Variants in LRP5 observed in about 807,000 individuals in gnomAD.
LRP5 encodes the protein low-density lipoprotein receptor-related protein 5.
Under a neutral mutation model 154.1 loss-of-function variants are expected in LRP5, and 62 were observed. The observed-to-expected ratio is 0.40, with a 90% CI of 0.33 to 0.50. The LOEUF is 0.50. Among genes scored for constraint, LRP5 ranks in the 20% least tolerant of loss-of-function variants. The pLI is 0.55. For synonymous variants in LRP5, 966 were observed against 1,011.5 expected, an observed-to-expected ratio of 0.96 and a Z score of 0.85; for missense variants, 1,915 against 2,336.7, an observed-to-expected ratio of 0.82 and a Z score of 3.72.
intron 2 of LRP5, among the ~76,000 whole-genome samples, chr11:68,350,723 C>G (rs2098617638): frequency 6.6e-6 from 1 of 152,256 alleles, no homozygotes; most frequent in Non-Finnish European, 1.5e-5. Flanking sequence ...AAGCAGAGTG[C>G]CATGTGGCCA....
chr11:68,368,302 G>A (rs1382420098), intron 5 of LRP5, among the ~76,000 whole-genome samples: 1 of 152,214 alleles, frequency 6.6e-6, no homozygotes, highest in South Asian at 2.1e-4. Context: ...CAGGGGCTGA[G>A]CCGGAGACTC....
chr11:68,398,769 T>A (rs2098650995), intron 7 of LRP5, among the ~76,000 whole-genome samples: 1 of 151,862 alleles, frequency 6.6e-6, no homozygotes, highest in African/African-American at 2.4e-5. Flanking sequence ...AGGGTCTCGC[T>A]CTGTCACCCA....
intron 7 of LRP5, among the ~76,000 whole-genome samples, chr11:68,399,745 C>T (rs2098651608): frequency 1.3e-5 from 2 of 152,342 alleles, no homozygotes; most frequent in Non-Finnish European, 1.5e-5. Context: ...CCTGAGTCGG[C>T]CCAGAGGGAA....
chr11:68,316,704 C>T (rs1325530113), intron 1 of LRP5, among the ~76,000 whole-genome samples: 2 of 152,250 alleles, frequency 1.3e-5, no homozygotes, highest in African/African-American at 4.8e-5. Flanking sequence ...GGTCTCATGC[C>T]TCCTGCATCC....
At chr11:68,401,821 T>C (rs899838076) in intron 7 of LRP5, among the ~76,000 whole-genome samples, 8 of 152,134 alleles carry the variant, frequency 5.3e-5, no homozygotes, top group Non-Finnish European at 8.8e-5. Context: ...CCCGAGCAGC[T>C]GGGATTACAG....
At chr11:68,345,718 G>C (rs1248507015) in intron 1 of LRP5, among the ~76,000 whole-genome samples, 1 of 152,214 alleles carries the variant, frequency 6.6e-6, no homozygotes, top group Non-Finnish European at 1.5e-5. Context: ...TGGTAATTCT[G>C]TGTTTAAGTT....
intron 5 of LRP5, among the ~76,000 whole-genome samples, chr11:68,369,947 C>T (rs1424741660): frequency 2.0e-5 from 3 of 152,174 alleles, no homozygotes; most frequent in Non-Finnish European, 4.4e-5. Context: ...TGTCCACTGT[C>T]CATGCCCTTA....
At position 68,425,236 on chromosome 11, in the gene LRP5, G is replaced by C; in HGVS notation, c.3371G>C (p.Gly1124Ala). ...GCCCTGGTGGTGGACAACACACTGG[G>C]CAAGCTGTTCTGGGTGGACGCGGAC... Reference protein sequence around the residue: ...PVALVVDNTLGKLFWVDADLK... With the variant: ...PVALVVDNTLAKLFWVDADLK... The change falls in exon 15 of 23, where the codon GGC becomes GCC. Residue 1124 changes from glycine to alanine, a missense_variant. Physicochemically the swap from Gly to Ala is moderately conservative, Grantham distance 60 (BLOSUM62 0). Transcript: ENST00000294304. 1 of 1,612,458 alleles carries C rather than the reference G, an allele frequency of 6.2e-7. No individual in the cohort carries two copies.
At position 68,423,696 on chromosome 11, in the gene LRP5, G is replaced by C; in HGVS notation, c.3235G>C (p.Gly1079Arg). The change falls in exon 14 of 23, where the codon GGG becomes CGG. Residue 1079 changes from glycine (G) to arginine (R), a missense_variant and splice_region_variant. Physicochemically the swap from Gly to Arg is moderately radical, Grantham distance 125 (BLOSUM62 -2). This residue lies in a region of LRP5 where 1,094 missense variants were observed against 1,210.1 expected (regional missense o/e 0.90). Coordinates refer to ENST00000294304, the MANE Select transcript of LRP5 (RefSeq NM_002335.4). This position sits in a 1 kb window ranked among gnomAD's most constrained non-coding sequence, Gnocchi z 4.7. ...PRAIVVNAER[G>R]YLYFTNMQDR... ...GGCCATCGTCGTCAACGCGGAGCGA[G>C]GGTAGGAGGCCAACGGGTGGGTGGG... 1 of 1,608,462 alleles carries C rather than the reference G, an allele frequency of 6.2e-7. No homozygotes were observed. Among genetic ancestry groups the C allele is most frequent in the Non-Finnish European group, 8.5e-7 (1 of 1,179,326 alleles).
At chr11:68,398,006 G>GTGTGTGTGTGTT in intron 7 of LRP5, among the ~76,000 whole-genome samples, 1 of 152,044 alleles carries the variant, frequency 6.6e-6, no homozygotes, top group East Asian at 1.9e-4. Context: ...GTGTGTGTGT[G>GTGTGTGTGTGTT]TGTTTGCGTG....
intron 1 of LRP5, among the ~76,000 whole-genome samples, chr11:68,329,452 C>T (rs1388593350): frequency 6.6e-6 from 1 of 152,196 alleles, no homozygotes; most frequent in African/African-American, 2.4e-5. Flanking sequence ...ACGGTGGTTC[C>T]AGTGCCTGCC....
chr11:68,385,658 G>C (rs1288303274), intron 5 of LRP5, among the ~76,000 whole-genome samples: 1 of 152,042 alleles, frequency 6.6e-6, no homozygotes, highest in Non-Finnish European at 1.5e-5. Context: ...GTGCCCCCGG[G>C]TCTCAGGCCT....
chr11:68,369,054 T>G (rs1591237701), intron 5 of LRP5, among the ~76,000 whole-genome samples: 2 of 152,134 alleles, frequency 1.3e-5, no homozygotes, highest in South Asian at 2.1e-4. Flanking sequence ...GCTAGGCTGG[T>G]CTTGAACTCC....
Position 68,389,898 on chromosome 11 carries a change from A to G in LRP5, c.1430A>G (p.Asp477Gly). 1 of 1,614,262 alleles carries G rather than the reference A, an allele frequency of 6.2e-7. No individual in the cohort carries two copies. The highest frequency in any genetic ancestry group is 8.5e-7 in the Non-Finnish European group (1 of 1,180,050). The change falls in exon 7 of 23, where the codon GAC (aspartate) becomes GGC (glycine). Residue 477 changes from aspartate to glycine, a missense_variant. Around this residue, in one of 3 missense-constraint regions of LRP5, gnomAD observed 773 missense variants for 1,100.9 expected, o/e 0.70. Transcript: ENST00000294304. The stretch of plus-strand genomic sequence containing the variant: ...TTCTCCAGCCTCATGTACTGGACAG[A>G]CTGGGGAGAGAACCCTAAAATCGAG... The part of the protein sequence containing the change: ...HPVMGLMYWT[D>G]WGENPKIECA...
intron 7 of LRP5, among the ~76,000 whole-genome samples, chr11:68,392,652 C>T (rs372727174): frequency 3.3e-4 from 51 of 152,324 alleles, no homozygotes; most frequent in African/African-American, 9.4e-4. Context: ...CCGGCACTCA[C>T]GCCCATTCTC....
chr11:68,384,115 GC>G (rs1376839582), intron 5 of LRP5, among the ~76,000 whole-genome samples: 1 of 152,138 alleles, frequency 6.6e-6, no homozygotes, highest in African/African-American at 2.4e-5. Context: ...CATCACGTGG[GC>G]GCCCTCTAGT....
At chr11:68,324,716 G>A (rs1271144298) in intron 1 of LRP5, among the ~76,000 whole-genome samples, 2 of 152,254 alleles carry the variant, frequency 1.3e-5, no homozygotes, top group Admixed American at 6.5e-5. Flanking sequence ...CCCACTGGCA[G>A]AGCAGAGGCT....
At chr11:68,419,803 A>G (rs1466884767) in intron 13 of LRP5, among the ~76,000 whole-genome samples, 2 of 151,850 alleles carry the variant, frequency 1.3e-5, no homozygotes, top group African/African-American at 2.4e-5. Context: ...CGGCCTCCCA[A>G]AATGCTGAGA....
At position 68,353,121 on chromosome 11, in the gene LRP5, C is replaced by G. The variant is rs2098620197; in HGVS notation, c.489-4529C>G. On this transcript the variant is annotated intron_variant, in intron 2 of 22. Transcript: ENST00000294304. This position sits in a 1 kb window ranked among gnomAD's most constrained non-coding sequence, Gnocchi z 4.5. ...TGCATCATCTCTGCGAGCCAACTGT[C>G]CCTGTTTGGCTCTGGCTTTTCTTAA... 1.3e-5 allele frequency among the ~76,000 whole-genome samples: 2 copies of G among 152,150 alleles called. No homozygotes were observed. Among genetic ancestry groups the G allele is most frequent in the African/African-American group, 4.8e-5 (2 of 41,416 alleles).
Sources: gnomAD v4.1 joint callset for allele counts (sites outside exome capture counted in the v4.1 genomes callset) on GRCh38, gnomAD v4.1.1 for gene constraint, gnomAD v4.1.1 regional missense constraint, Gnocchi (gnomAD v3.1) non-coding constraint, MANE v1.5 for transcripts, NCBI Gene and HGNC (gene_info 2026-07-23, HGNC 2026-07-21) for gene names.